SH3GL2: variants seen among roughly 807,000 people sequenced by gnomAD.
The protein encoded by SH3GL2 is SH3 domain containing GRB2 like 2, endophilin A1.
SH3GL2 carries 24 observed loss-of-function variants against 46.0 expected under a neutral mutation model. That is an observed-to-expected ratio of 0.52 (90% CI 0.38 to 0.73). The LOEUF (loss-of-function observed/expected upper bound fraction) is 0.73. SH3GL2 is among the 30% of genes least tolerant of loss of function. SH3GL2 has a pLI of 0.00. For synonymous variants in SH3GL2, 196 were observed against 147.1 expected (o/e 1.33, Z -2.40); for missense variants, 413 against 424.2 (o/e 0.97, Z 0.23).
At chr9:17,678,265 T>A (rs1820668131) in intron 1 of SH3GL2, among the ~76,000 whole-genome samples, 1 of 152,054 alleles carries the variant, frequency 6.6e-6, no homozygotes, top group South Asian at 2.1e-4. Flanking sequence ...TGTAAAAGCG[T>A]TCCTATTTCT....
chr9:17,677,373 C>T (rs887021690), intron 1 of SH3GL2, among the ~76,000 whole-genome samples: 4 of 152,004 alleles, frequency 2.6e-5, no homozygotes, highest in Non-Finnish European at 5.9e-5. Flanking sequence ...GAAGGGATGG[C>T]TCAATATTAA....
At chr9:17,581,395 TTTATTTGAAAGGTGAAGCAGCACGTAG>T (rs1258713483) in intron 1 of SH3GL2, among the ~76,000 whole-genome samples, 6 of 152,192 alleles carry the variant, frequency 3.9e-5, no homozygotes, top group Non-Finnish European at 7.3e-5. Context: ...TGAAAAGCCT[TTTATTTGAAAGGTGAAGCAGCACGTAG>T]TCTCTTATCC....
intron 5 of SH3GL2, among the ~76,000 whole-genome samples, chr9:17,789,002 A>G (rs937179799): frequency 1.3e-5 from 2 of 152,178 alleles, no homozygotes; most frequent in African/African-American, 4.8e-5. Flanking sequence ...CTCATGAGAT[A>G]CCATTTCTCT....
At chr9:17,756,445 A>C (rs1822990640) in intron 2 of SH3GL2, among the ~76,000 whole-genome samples, 2 of 150,652 alleles carry the variant, frequency 1.3e-5, no homozygotes, top group East Asian at 2.0e-4. Context: ...CATTTACATT[A>C]GGTATATCTC....
intron 3 of SH3GL2, among the ~76,000 whole-genome samples, chr9:17,766,424 T>C (rs2224953): frequency 0.79 from 120,184 of 152,158 alleles, 47,949 homozygotes; most frequent in East Asian, 0.96. Flanking sequence ...CTTACGATAT[T>C]TGTGAGCAAA....
chr9:17,743,704 T>C (rs981191526), intron 1 of SH3GL2, among the ~76,000 whole-genome samples: 3 of 152,170 alleles, frequency 2.0e-5, no homozygotes, highest in Admixed American at 1.3e-4. Context: ...TCTCATTTGA[T>C]AGAGTGATGC....
chr9:17,684,302 G>C (rs560377889), intron 1 of SH3GL2, among the ~76,000 whole-genome samples: 1 of 151,984 alleles, frequency 6.6e-6, no homozygotes, highest in Non-Finnish European at 1.5e-5. Flanking sequence ...AGAGATGAAC[G>C]ATGCTTTTGA....
At chr9:17,735,044 G>A (rs1293705338) in intron 1 of SH3GL2, among the ~76,000 whole-genome samples, 1 of 152,018 alleles carries the variant, frequency 6.6e-6, no homozygotes, top group Non-Finnish European at 1.5e-5. Context: ...TGCTGCCTCC[G>A]GGCTCCCTTC....
intron 2 of SH3GL2, among the ~76,000 whole-genome samples, chr9:17,758,075 C>T (rs1196930281): frequency 2.0e-5 from 3 of 152,170 alleles, no homozygotes; most frequent in Non-Finnish European, 4.4e-5. Context: ...TTCAGTTCTT[C>T]TGGTACTTTT....
chr9:17,750,626 A>T (rs568145872), intron 2 of SH3GL2, among the ~76,000 whole-genome samples: 3 of 152,288 alleles, frequency 2.0e-5, no homozygotes, highest in Non-Finnish European at 2.9e-5. Flanking sequence ...AAGCTTTGTT[A>T]AACACAGGCT....
intron 1 of SH3GL2, among the ~76,000 whole-genome samples, chr9:17,651,339 C>G (rs995297307): frequency 6.6e-6 from 1 of 152,092 alleles, no homozygotes; most frequent in African/African-American, 2.4e-5. Context: ...ATCTCATCCA[C>G]GAGTATCTTC....
intron 1 of SH3GL2, among the ~76,000 whole-genome samples, chr9:17,599,634 G>T (rs1563776477): frequency 6.6e-6 from 1 of 152,212 alleles, no homozygotes; most frequent in Non-Finnish European, 1.5e-5. Context: ...GGCAAATGAT[G>T]TGATCTACAT....
intron 1 of SH3GL2, among the ~76,000 whole-genome samples, chr9:17,664,363 C>T (rs1171813635): frequency 2.0e-5 from 3 of 152,084 alleles, no homozygotes; most frequent in East Asian, 3.8e-4. Context: ...ATCATGTGGA[C>T]ATTGGATCAG....
In SH3GL2 at chr9:17,758,005, T is replaced by C. The variant is rs139123076; in HGVS notation, c.115-3432T>C. On this transcript the variant is annotated intron_variant, in intron 2 of 8. Coordinates refer to ENST00000380607, the MANE Select transcript of SH3GL2 (RefSeq NM_003026.5). ...ATGGAGGACCGAGGTGGAGAGAAGT[T>C]AGAAATTAGTCAGCCTCCTACTGGC... Among the ~76,000 whole-genome samples the C allele has an allele frequency of 6.2e-3, 950 of 152,226 alleles. 3 individuals are homozygous for C. Among genetic ancestry groups the C allele is most frequent in the Middle Eastern group, 0.014 (4 of 294 alleles).
At chr9:17,769,047 C>T (rs1221664365) in intron 3 of SH3GL2, among the ~76,000 whole-genome samples, 1 of 151,706 alleles carries the variant, frequency 6.6e-6, no homozygotes, top group Admixed American at 6.5e-5. Flanking sequence ...TCAATCACTT[C>T]CTCTCCATGT....
chr9:17,775,490 A>C (rs1191876880), intron 3 of SH3GL2, among the ~76,000 whole-genome samples: 2 of 152,194 alleles, frequency 1.3e-5, no homozygotes, highest in Non-Finnish European at 2.9e-5. Context: ...GTAGTAGATA[A>C]CTTCTGAAAT....
chr9:17,715,454 G>T (rs1238562452), intron 1 of SH3GL2, among the ~76,000 whole-genome samples: 2 of 151,440 alleles, frequency 1.3e-5, no homozygotes, highest in African/African-American at 2.4e-5. Context: ...TTACTCTTCT[G>T]TTAACTCACT....
chr9:17,789,721 T>C (rs1824068403), intron 6 of SH3GL2, 171 bp downstream of exon 6: 1 of 1,364,168 alleles, frequency 7.3e-7, no homozygotes, highest in Non-Finnish European at 9.5e-7. Flanking sequence ...GACTGAGAAA[T>C]AGAAAAGTTT....
chr9:17,750,721 G>T (rs1253508942), intron 2 of SH3GL2, among the ~76,000 whole-genome samples: 2 of 152,344 alleles, frequency 1.3e-5, no homozygotes, highest in African/African-American at 4.8e-5. Context: ...TCGGAAATTT[G>T]AAGAACCTCT....
Sources: gnomAD v4.1 joint callset for allele counts (sites outside exome capture counted in the v4.1 genomes callset) on GRCh38, gnomAD v4.1.1 for gene constraint, MANE v1.5 for transcripts, NCBI Gene and HGNC (gene_info 2026-07-23, HGNC 2026-07-21) for gene names.